NDUFB5: variants seen among roughly 807,000 people sequenced by gnomAD.
NDUFB5 encodes NADH dehydrogenase [ubiquinone] 1 beta subcomplex subunit 5, mitochondrial.
A neutral mutation model predicts 19.4 loss-of-function variants in NDUFB5; 19 were observed. That is an observed-to-expected ratio of 0.98 (90% CI 0.68 to 1.43). The LOEUF is 1.43. Ranked by LOEUF, NDUFB5 falls within the 40% of genes most tolerant of loss-of-function variation. NDUFB5 has a pLI of 0.00. For synonymous variants in NDUFB5, 80 were observed against 82.6 expected, an observed-to-expected ratio of 0.97 and a Z score of 0.17; for missense variants, 233 against 236.5, an observed-to-expected ratio of 0.99 and a Z score of 0.10.
chr3:179,618,210 CTT>C lies in NDUFB5; in HGVS notation c.343-203_343-202del, dbSNP rs374405984. 8.6e-4 allele frequency: 356 copies of C among 411,940 alleles called. 2 individuals carry two copies. In the East Asian group the frequency reaches 0.015, roughly 18 times the overall value. 25.5% of individuals were successfully genotyped at this position (411,940 alleles called of 1,614,324 possible). ...GTGCTGCCATTTATTAGCTACGTAA[CTT>C]TGTGCAATTCACTTATCTTTAAAAT... is the stretch of plus-strand genomic sequence containing the variant. On this transcript the variant is annotated intron_variant, in intron 4 of 5. Transcript: ENST00000259037.
At chr3:179,608,177 GT>G (rs1190959483) in intron 1 of NDUFB5, among the ~76,000 whole-genome samples, 4 of 146,202 alleles carry the variant, frequency 2.7e-5, no homozygotes, top group African/African-American at 7.5e-5. Context: ...GAGGAAGAGA[GT>G]TTTTTTTTTG....
At chr3:179,611,133 CAG>C (rs1358389497) in intron 1 of NDUFB5, among the ~76,000 whole-genome samples, 1 of 152,034 alleles carries the variant, frequency 6.6e-6, no homozygotes, top group Admixed American at 6.6e-5. Flanking sequence ...TTGTAGGCAA[CAG>C]AGTGTTGTAG....
At position 179,625,558 on chromosome 3, in the gene NDUFB5, T is replaced by C. The variant is rs1017616601; in HGVS notation, c.*1518T>C. 4 of 152,300 alleles carry C rather than the reference T, an allele frequency of 2.6e-5. No individual in the cohort carries two copies. The highest frequency in any genetic ancestry group is 2.1e-4 in the South Asian group (1 of 4,832). The allele number at this position is 152,300 out of a possible 1,614,324, so 9.4% of individuals were successfully genotyped here. ...TAGTTATATATTTCAAAATAAGATA[T>C]AGCAAGTTAGAAGTATATATAAGTA... On this transcript the variant is annotated 3_prime_UTR_variant, in exon 6 of 6. Transcript: ENST00000259037.
intron 2 of NDUFB5, chr3:179,615,691 CT>C: frequency 1.1e-5 from 6 of 527,358 alleles, no homozygotes; most frequent in Non-Finnish European, 1.8e-5. Context: ...GTTTAATGAC[CT>C]TTTTCATCTC....
intron 1 of NDUFB5, among the ~76,000 whole-genome samples, chr3:179,608,990 C>T (rs1719172298): frequency 6.6e-6 from 1 of 152,234 alleles, no homozygotes; most frequent in Non-Finnish European, 1.5e-5. Flanking sequence ...ATTTTAATTA[C>T]TGTAAAGCTT....
chr3:179,612,493 T>C (rs1371272617), intron 1 of NDUFB5, among the ~76,000 whole-genome samples: 1 of 150,092 alleles, frequency 6.7e-6, no homozygotes, highest in African/African-American at 2.5e-5. Flanking sequence ...TTTTTTTTTT[T>C]TTGAGACAGA....
Position 179,622,652 on chromosome 3 carries a change from T to G in NDUFB5, c.450-1268T>G, listed in dbSNP as rs148546725. On this transcript the variant is annotated intron_variant, in intron 5 of 5. Coordinates refer to ENST00000259037, the MANE Select transcript of NDUFB5 (RefSeq NM_002492.4). ...ATGTTGATAAATATTTTAATTACGG[T>G]TTGGATAGTTATACTCTAAAGAGTA... Among the ~76,000 whole-genome samples, 602 of 152,212 alleles carry G rather than the reference T, an allele frequency of 4.0e-3. 13 individuals carry two copies. The highest frequency in any genetic ancestry group is 0.014 in the East Asian group (73 of 5,180).
intron 5 of NDUFB5, among the ~76,000 whole-genome samples, chr3:179,621,751 G>T (rs955953762): frequency 1.3e-5 from 2 of 151,860 alleles, no homozygotes; most frequent in African/African-American, 4.8e-5. Context: ...AAAGTGCTGG[G>T]ATTACATACG....
chr3:179,604,892 G>A lies in NDUFB5; in HGVS notation c.77G>A (p.Arg26His). The A allele has an allele frequency of 6.3e-7, 1 of 1,595,130 alleles. No homozygotes were observed. The highest frequency in any genetic ancestry group is 8.5e-7 in the Non-Finnish European group (1 of 1,174,798). The change falls in exon 1 of 6, where the codon CGC becomes CAC. Residue 26 changes from arginine to histidine, a missense_variant. Physicochemically the swap from Arg to His is conservative, Grantham distance 29 (BLOSUM62 0). Coordinates refer to ENST00000259037, the MANE Select transcript of NDUFB5 (RefSeq NM_002492.4). ...AALSGRPLGT[R>H]LGFGGFLTRG... ...CTGTCTGGCCGGCCCCTTGGCACTC[G>A]CCTCGGATTTGGGGGCTTCCTCACT...
chr3:179,606,641 A>G (rs540772543), intron 1 of NDUFB5, among the ~76,000 whole-genome samples: 11 of 152,302 alleles, frequency 7.2e-5, no homozygotes, highest in Non-Finnish European at 1.3e-4. Context: ...CCTGACCTCA[A>G]GCATCATTTT....
At chr3:179,606,885 A>G (rs1315647822) in intron 1 of NDUFB5, among the ~76,000 whole-genome samples, 3 of 152,256 alleles carry the variant, frequency 2.0e-5, no homozygotes, top group Non-Finnish European at 2.9e-5. Context: ...AACATGATGC[A>G]AAGAACCAGT....
chr3:179,614,924 A>G (rs1163630618), intron 1 of NDUFB5, 47 bp from the exon 2 acceptor site: 2 of 1,258,674 alleles, frequency 1.6e-6, no homozygotes, highest in Non-Finnish European at 2.3e-6. Flanking sequence ...ATATAACAGT[A>G]TACCCATATG....
intron 1 of NDUFB5, among the ~76,000 whole-genome samples, chr3:179,613,488 A>C (rs924034902): frequency 6.6e-6 from 1 of 152,186 alleles, no homozygotes; most frequent in Admixed American, 6.5e-5. Flanking sequence ...ATATAGTTCT[A>C]GCATAGGATC....
chr3:179,615,122 CT>C, intron 2 of NDUFB5, 63 bp downstream of exon 2: 2 of 842,860 alleles, frequency 2.4e-6, no homozygotes, highest in Non-Finnish European at 3.8e-6. Flanking sequence ...ATTTTTGCCT[CT>C]TTAGAAAACA....
chr3:179,615,597 G>T (rs769904690), intron 2 of NDUFB5: 10 of 467,558 alleles, frequency 2.1e-5, no homozygotes, highest in Non-Finnish European at 3.8e-5. Flanking sequence ...ATGGGAGATT[G>T]TCTGGACCAT....
intron 3 of NDUFB5, among the ~76,000 whole-genome samples, chr3:179,616,321 T>A (rs1486305588): frequency 6.6e-6 from 1 of 152,084 alleles, no homozygotes; most frequent in African/African-American, 2.4e-5. Context: ...GGCGGGCAGA[T>A]CATGAGGTCA....
chr3:179,615,128 A>G (rs1719343522), intron 2 of NDUFB5, 69 bp downstream of exon 2: 1 of 785,088 alleles, frequency 1.3e-6, no homozygotes, highest in Non-Finnish European at 2.1e-6. Flanking sequence ...GCCTCTTTAG[A>G]AAACATCTTT....
chr3:179,608,203 T>G (rs375742932), intron 1 of NDUFB5, among the ~76,000 whole-genome samples: 166 of 152,048 alleles, frequency 1.1e-3, no homozygotes, highest in African/African-American at 2.7e-3. Flanking sequence ...GTTTTGTTTT[T>G]TTTTGAAACA....
intron 3 of NDUFB5, 41 bp from the exon 4 acceptor site, chr3:179,616,942 T>G (rs1719394316): frequency 2.7e-6 from 4 of 1,455,528 alleles, no homozygotes; most frequent in Non-Finnish European, 3.8e-6. Context: ...TTTTATAAAC[T>G]CCTCATGCTA....
Sources: allele counts gnomAD v4.1 joint callset (sites outside exome capture counted in the v4.1 genomes callset), GRCh38; gene constraint gnomAD v4.1.1; transcripts MANE v1.5; gene names NCBI Gene and HGNC (gene_info 2026-07-23, HGNC 2026-07-21).